The following UNC79 variants were observed in gnomAD, a reference collection of about 807,000 sequenced individuals.
The protein encoded by UNC79 is unc-79 subunit of NALCN channel complex, also known as protein unc-79 homolog.
A neutral mutation model predicts 283.1 loss-of-function variants in UNC79; 37 were observed. That is an observed-to-expected ratio of 0.13 (90% CI 0.10 to 0.17). The LOEUF is 0.17. Ranked by LOEUF, UNC79 falls within the 10% of genes least tolerant of loss-of-function variation. The pLI, the probability that UNC79 is intolerant of heterozygous loss-of-function variation, is 1.00. For missense variants in UNC79, 2,272 were observed against 3,211.1 expected (o/e 0.71, Z 7.07); for synonymous variants, 1,107 against 1,200.2 (o/e 0.92, Z 1.61).
chr14:93,536,640 G>A (rs2061088924), intron 11 of UNC79, among the ~76,000 whole-genome samples: 1 of 152,024 alleles, frequency 6.6e-6, no homozygotes, highest in African/African-American at 2.4e-5. Flanking sequence ...ACCTCTTTGG[G>A]ATAAGTCCTT....
intron 1 of UNC79, among the ~76,000 whole-genome samples, chr14:93,463,499 T>G (rs758279536): frequency 2.6e-5 from 4 of 152,162 alleles, no homozygotes; most frequent in Non-Finnish European, 5.9e-5. Flanking sequence ...TACAGTTTGT[T>G]TGAATCCTGG....
rs1006722268 is a variant in UNC79, at chr14:93,419,328, C to G, written c.-350-48343C>G. 2.0e-5 allele frequency among the ~76,000 whole-genome samples: 3 copies of G among 151,592 alleles called. No homozygotes were observed. In the East Asian group the frequency reaches 5.9e-4, roughly 30 times the overall value. On this transcript the variant is annotated intron_variant, in intron 1 of 49. Coordinates refer to the UNC79 transcript ENST00000256339. The stretch of plus-strand genomic sequence containing the variant: ...GGATTACAGCCACCTGCCACTGCAC[C>G]TGGCTAATTTTTGTATTTTTAGTAG...
chr14:93,392,227 GGACTA>G (rs1172646097), intron 1 of UNC79, among the ~76,000 whole-genome samples: 2 of 152,062 alleles, frequency 1.3e-5, no homozygotes, highest in Non-Finnish European at 2.9e-5. Context: ...TTTGTACAAA[GGACTA>G]CTGTACAGTA....
At chr14:93,535,792 C>T (rs373706055) in intron 11 of UNC79, among the ~76,000 whole-genome samples, 2 of 152,244 alleles carry the variant, frequency 1.3e-5, no homozygotes, top group South Asian at 4.1e-4. Context: ...GAGAGAACAT[C>T]TCAAGGCAGC....
chr14:93,418,145 T>C (rs2055505513), intron 1 of UNC79, among the ~76,000 whole-genome samples: 3 of 151,044 alleles, frequency 2.0e-5, no homozygotes, highest in Non-Finnish European at 3.0e-5. Context: ...CCCATCTTTG[T>C]GGTTTTATCT....
intron 14 of UNC79, among the ~76,000 whole-genome samples, chr14:93,544,775 C>T (rs1051646048): frequency 5.3e-5 from 8 of 152,112 alleles, no homozygotes; most frequent in African/African-American, 1.2e-4. Flanking sequence ...GTTTTGAGTA[C>T]GGAGGGCAGA....
chr14:93,445,758 G>T (rs1462863903), intron 1 of UNC79, among the ~76,000 whole-genome samples: 3 of 152,046 alleles, frequency 2.0e-5, no homozygotes, highest in Non-Finnish European at 2.9e-5. Flanking sequence ...TTGGGGGAAG[G>T]TTTCAAATTT....
At chr14:93,573,277 C>G (rs1248644647) in intron 16 of UNC79, among the ~76,000 whole-genome samples, 1 of 152,090 alleles carries the variant, frequency 6.6e-6, no homozygotes, top group Non-Finnish European at 1.5e-5. Flanking sequence ...AAAATTATCC[C>G]CTATGTGAAC....
chr14:93,478,435 G>A (rs1294644743), intron 4 of UNC79, among the ~76,000 whole-genome samples: 1 of 152,128 alleles, frequency 6.6e-6, no homozygotes, highest in Non-Finnish European at 1.5e-5. Flanking sequence ...TCATTTTCAA[G>A]TATTTTTTAA....
intron 1 of UNC79, among the ~76,000 whole-genome samples, chr14:93,463,895 A>G (rs774641813): frequency 6.6e-6 from 1 of 152,118 alleles, no homozygotes; most frequent in Non-Finnish European, 1.5e-5. Context: ...CATGCTTGTA[A>G]TCCCAGCACT....
At chr14:93,520,911 CT>C (rs895453311) in intron 7 of UNC79, among the ~76,000 whole-genome samples, 4 of 151,976 alleles carry the variant, frequency 2.6e-5, no homozygotes, top group African/African-American at 9.7e-5. Flanking sequence ...TGTTTTCCCC[CT>C]GGTTATGAGT....
chr14:93,600,056 C>T (rs779242381), intron 24 of UNC79, among the ~76,000 whole-genome samples: 13 of 151,796 alleles, frequency 8.6e-5, no homozygotes, highest in South Asian at 4.2e-4. Flanking sequence ...AAAAATTAGC[C>T]GGGCGTGGTG....
intron 1 of UNC79, among the ~76,000 whole-genome samples, chr14:93,391,053 C>G (rs1323177915): frequency 6.6e-6 from 1 of 152,098 alleles, no homozygotes; most frequent in Non-Finnish European, 1.5e-5. Context: ...TTCCATATAT[C>G]AAGACTTTTT....
At chr14:93,407,101 CCT>C (rs1262010565) in intron 1 of UNC79, among the ~76,000 whole-genome samples, 1 of 152,146 alleles carries the variant, frequency 6.6e-6, no homozygotes, top group Non-Finnish European at 1.5e-5. Context: ...CTCTGCATCT[CCT>C]CTCTTTTTAT....
chr14:93,519,792 A>G (rs1473729277), intron 7 of UNC79, among the ~76,000 whole-genome samples: 2 of 151,886 alleles, frequency 1.3e-5, no homozygotes, highest in African/African-American at 4.8e-5. Flanking sequence ...CAGTTTACAT[A>G]TAATGTAAGG....
chr14:93,488,499 G>T (rs11622408), intron 5 of UNC79, among the ~76,000 whole-genome samples: 129,247 of 151,030 alleles, frequency 0.86, 55,447 homozygotes, highest in East Asian at 0.93. Flanking sequence ...TGACACTGTG[G>T]TTTTTTTTTG....
chr14:93,418,042 C>G (rs1330998522), intron 1 of UNC79, among the ~76,000 whole-genome samples: 1 of 151,874 alleles, frequency 6.6e-6, no homozygotes. Flanking sequence ...CTCTGTCCAG[C>G]TTTGTTCCGT....
At position 93,533,466 on chromosome 14, in the gene UNC79, G is replaced by C. The variant is rs149877089; in HGVS notation, c.1122+888G>C. On this transcript the variant is annotated intron_variant, in intron 11 of 48. Transcript: ENST00000555664. ...AGGCTCACTCATGTATTTGCAGTCA[G>C]TTGGTGGGTAAGCTGGAATTGGCTG... Among the ~76,000 whole-genome samples, 42 of 152,338 alleles carry C rather than the reference G, an allele frequency of 2.8e-4. 1 individual carries two copies. The East Asian group carries it at 6.7e-3, about 24-fold the overall frequency.
At chr14:93,624,267 T>C (rs1056303444) in intron 30 of UNC79, among the ~76,000 whole-genome samples, 2 of 152,174 alleles carry the variant, frequency 1.3e-5, no homozygotes, top group African/African-American at 4.8e-5. Flanking sequence ...ATCTGTTGAA[T>C]GAACATTGGC....
Sources: allele counts gnomAD v4.1 joint callset (sites outside exome capture counted in the v4.1 genomes callset), GRCh38; gene constraint gnomAD v4.1.1; transcripts MANE v1.5; gene names NCBI Gene and HGNC (gene_info 2026-07-23, HGNC 2026-07-21).